HPSE2: variants seen among roughly 807,000 people sequenced by gnomAD.
The protein encoded by HPSE2 is heparanase 2 (inactive).
A neutral mutation model predicts 60.5 loss-of-function variants in HPSE2; 38 were observed. The observed-to-expected ratio is 0.63, with a 90% CI of 0.48 to 0.82. The LOEUF (loss-of-function observed/expected upper bound fraction) is 0.82. Ranked by LOEUF, HPSE2 falls within the 40% of genes least tolerant of loss-of-function variation. The probability of loss-of-function intolerance (pLI) is 0.00; values close to 1 mark genes in which losing one functional copy is unlikely to be tolerated. For synonymous variants in HPSE2, 295 were observed against 293.2 expected, an observed-to-expected ratio of 1.01 and a Z score of -0.06; for missense variants, 713 against 740.4, an observed-to-expected ratio of 0.96 and a Z score of 0.43.
intron 6 of HPSE2, among the ~76,000 whole-genome samples, chr10:98,660,971 A>G (rs753891370): frequency 2.6e-5 from 4 of 152,218 alleles, no homozygotes; most frequent in Non-Finnish European, 5.9e-5. Flanking sequence ...AGTAGGCTGA[A>G]TTGGCACCAG....
chr10:99,294,095 G>GGCAGT, the HPSE2 span, among the ~76,000 whole-genome samples: 1 of 151,932 alleles, frequency 6.6e-6, no homozygotes, highest in Non-Finnish European at 1.5e-5. Flanking sequence ...AGGTGAATGC[G>GGCAGT]GCAGTAGTGT....
chr10:99,242,102 A>T, the HPSE2 span, among the ~76,000 whole-genome samples: 1 of 152,230 alleles, frequency 6.6e-6, no homozygotes, highest in Admixed American at 6.5e-5. Context: ...AGGACAGTAC[A>T]AGAGAACCCT....
chr10:98,467,535 T>G (rs117332320), intron 11 of HPSE2, among the ~76,000 whole-genome samples: 1,761 of 151,976 alleles, frequency 0.012, 74 homozygotes, highest in East Asian at 0.092. Flanking sequence ...AGGGGAGAGA[T>G]AAGTCCGACT....
At chr10:99,116,851 A>AT (rs1227375572) in intron 3 of HPSE2, among the ~76,000 whole-genome samples, 1 of 152,168 alleles carries the variant, frequency 6.6e-6, no homozygotes. Context: ...GCCACCTAGA[A>AT]TGCAGGCAGG....
the HPSE2 span, among the ~76,000 whole-genome samples, chr10:99,266,918 C>T: frequency 6.0e-4 from 91 of 152,264 alleles, no homozygotes; most frequent in Non-Finnish European, 9.9e-4. Context: ...TACAGTTCAG[C>T]TCTCAGGAAG....
intron 9 of HPSE2, among the ~76,000 whole-genome samples, chr10:98,510,009 A>C (rs1354244219): frequency 2.0e-5 from 3 of 152,098 alleles, no homozygotes; most frequent in African/African-American, 7.2e-5. Context: ...CTCAGATATT[A>C]GCTCAAGGGT....
In HPSE2 at chr10:98,940,949, A is replaced by C. The variant is rs1954978344; in HGVS notation, c.611-196893T>G. Among the ~76,000 whole-genome samples, 7 of 129,248 alleles carry C rather than the reference A, an allele frequency of 5.4e-5. No individual in the cohort carries two copies. The South Asian group carries it at 1.6e-3, about 30-fold the overall frequency. 84.8% of individuals were successfully genotyped at this position (129,248 alleles called of 152,430 possible). The stretch of plus-strand genomic sequence containing the variant: ...TCAATATACACAAATCAATAAATGT[A>C]ATCCAGCATATAAACAGAACCAAAG... On this transcript the variant is annotated intron_variant, in intron 3 of 11. Coordinates refer to ENST00000370552, the MANE Select transcript of HPSE2 (RefSeq NM_021828.5).
At chr10:98,993,917 CAG>C (rs1296369051) in intron 3 of HPSE2, among the ~76,000 whole-genome samples, 3 of 152,144 alleles carry the variant, frequency 2.0e-5, no homozygotes, top group African/African-American at 4.8e-5. Context: ...AAGGATAAAA[CAG>C]AGTTTTCCAG....
chr10:98,480,421 C>G (rs1342052716), intron 11 of HPSE2, among the ~76,000 whole-genome samples: 1 of 152,148 alleles, frequency 6.6e-6, no homozygotes, highest in East Asian at 1.9e-4. Flanking sequence ...AACACAACTC[C>G]TCACTATTAT....
intron 3 of HPSE2, among the ~76,000 whole-genome samples, chr10:99,018,457 T>TG (rs1455660041): frequency 1.3e-5 from 2 of 152,212 alleles, no homozygotes; most frequent in Non-Finnish European, 2.9e-5. Flanking sequence ...TTAGAGCTGT[T>TG]GGACAACCTT....
At chr10:99,143,914 C>T (rs1845955856) in intron 3 of HPSE2, among the ~76,000 whole-genome samples, 1 of 152,082 alleles carries the variant, frequency 6.6e-6, no homozygotes, top group Non-Finnish European at 1.5e-5. Flanking sequence ...AGGGCATACA[C>T]AGAAAGAGGA....
In HPSE2 at chr10:98,482,788, A is replaced by T; in HGVS notation, c.1467-6T>A. 1 of 1,614,140 alleles carries T rather than the reference A, an allele frequency of 6.2e-7. No individual in the cohort carries two copies. The highest frequency in any genetic ancestry group is 1.1e-5 in the South Asian group (1 of 91,082). ...ACCCACGAACGTAGTTGTGGCTGAG[A>T]TCCAGAGAAAGAGAGAAGTGAAAGA... On this transcript the variant is annotated splice_region_variant and splice_polypyrimidine_tract_variant and intron_variant, in intron 10 of 11. Transcript: ENST00000370552.
At chr10:98,567,390 A>C (rs1944377093) in intron 9 of HPSE2, among the ~76,000 whole-genome samples, 1 of 151,882 alleles carries the variant, frequency 6.6e-6, no homozygotes, top group South Asian at 2.1e-4. Context: ...ATGAGGTGAG[A>C]GATTTGGGGT....
intron 3 of HPSE2, among the ~76,000 whole-genome samples, chr10:99,009,120 C>T (rs1328233663): frequency 4.0e-5 from 6 of 151,540 alleles, no homozygotes; most frequent in African/African-American, 7.3e-5. Context: ...TAAAAGAGAA[C>T]TGAGGCCAGA....
intron 3 of HPSE2, among the ~76,000 whole-genome samples, chr10:98,804,946 A>T (rs1228283825): frequency 6.6e-6 from 1 of 152,242 alleles, no homozygotes; most frequent in Non-Finnish European, 1.5e-5. Context: ...AGTAATATTC[A>T]GCCAGAAAAA....
intron 3 of HPSE2, among the ~76,000 whole-genome samples, chr10:99,107,052 G>A (rs1844276351): frequency 6.6e-6 from 1 of 152,030 alleles, no homozygotes; most frequent in Non-Finnish European, 1.5e-5. Context: ...TGTATTTTTA[G>A]TAGAGATGGG....
chr10:98,800,670 A>G (rs1950885638), intron 3 of HPSE2, among the ~76,000 whole-genome samples: 1 of 151,982 alleles, frequency 6.6e-6, no homozygotes, highest in Non-Finnish European at 1.5e-5. Flanking sequence ...CCAAGATTGA[A>G]CCATGAAGAA....
chr10:98,505,762 A>G (rs893306740), intron 9 of HPSE2, among the ~76,000 whole-genome samples: 1 of 152,202 alleles, frequency 6.6e-6, no homozygotes, highest in Non-Finnish European at 1.5e-5. Context: ...CAATTATACC[A>G]GCATCATTTA....
At chr10:98,462,948 C>T (rs541147014) in intron 11 of HPSE2, among the ~76,000 whole-genome samples, 2 of 138,020 alleles carry the variant, frequency 1.4e-5, no homozygotes, top group South Asian at 2.3e-4. Flanking sequence ...CAAACTCTGT[C>T]CTTATCTCTG....
Sources: allele counts gnomAD v4.1 joint callset (sites outside exome capture counted in the v4.1 genomes callset), GRCh38; gene constraint gnomAD v4.1.1; transcripts MANE v1.5; gene names NCBI Gene and HGNC (gene_info 2026-07-23, HGNC 2026-07-21).